ST6GAL1: variants seen among roughly 807,000 people sequenced by gnomAD.
ST6GAL1 encodes ST6 beta-galactoside alpha-2,6-sialyltransferase 1.
In ST6GAL1, 20 loss-of-function variants were observed where a neutral mutation model predicts 38.0. The observed-to-expected ratio is 0.53, with a 90% CI of 0.37 to 0.77. ST6GAL1 has a LOEUF of 0.77. Ranked by LOEUF, ST6GAL1 falls within the 30% of genes least tolerant of loss-of-function variation. ST6GAL1 has a pLI of 0.00. For synonymous variants in ST6GAL1, 196 were observed against 188.2 expected (o/e 1.04, Z -0.34); for missense variants, 432 against 496.4 (o/e 0.87, Z 1.23).
At chr3:186,947,062 C>G (rs531412526) in intron 1 of ST6GAL1, among the ~76,000 whole-genome samples, 24 of 152,156 alleles carry the variant, frequency 1.6e-4, no homozygotes, top group African/African-American at 5.8e-4. Context: ...GATGAAGGGG[C>G]GTTGGCATGT....
At chr3:187,000,928 G>A (rs1716596447) in intron 2 of ST6GAL1, among the ~76,000 whole-genome samples, 1 of 152,190 alleles carries the variant, frequency 6.6e-6, no homozygotes, top group Non-Finnish European at 1.5e-5. Flanking sequence ...GAGTAGAAAT[G>A]GGCCATGCAT....
intron 2 of ST6GAL1, among the ~76,000 whole-genome samples, chr3:187,005,742 A>G (rs1188774339): frequency 6.6e-6 from 1 of 152,214 alleles, no homozygotes; most frequent in South Asian, 2.1e-4. Flanking sequence ...ATGTAAAATA[A>G]TACGTATTTT....
intron 2 of ST6GAL1, among the ~76,000 whole-genome samples, chr3:186,972,242 TCTTA>T (rs1161068913): frequency 2.0e-5 from 3 of 151,342 alleles, no homozygotes; most frequent in Non-Finnish European, 4.4e-5. Flanking sequence ...CCTGCTACTT[TCTTA>T]CTTTCTTTTT....
intron 4 of ST6GAL1, among the ~76,000 whole-genome samples, chr3:187,045,185 T>C (rs912729459): frequency 2.6e-5 from 4 of 152,234 alleles, no homozygotes; most frequent in Admixed American, 2.6e-4. Context: ...ATAACATTGC[T>C]GACAAGGTTT....
intron 2 of ST6GAL1, among the ~76,000 whole-genome samples, chr3:186,990,026 A>G (rs1312495186): frequency 6.6e-6 from 1 of 152,182 alleles, no homozygotes; most frequent in Non-Finnish European, 1.5e-5. Flanking sequence ...TACCAGCTCC[A>G]TGACCTTGGG....
At chr3:187,072,399 G>C (rs142535095) in intron 5 of ST6GAL1, 1 of 223,486 alleles carries the variant, frequency 4.5e-6, no homozygotes. Flanking sequence ...GTTGGACTTC[G>C]TGAGAGAGCC....
chr3:187,052,198 T>C (rs1579362239), intron 5 of ST6GAL1, among the ~76,000 whole-genome samples: 1 of 152,178 alleles, frequency 6.6e-6, no homozygotes, highest in Non-Finnish European at 1.5e-5. Context: ...CACTTCCCTA[T>C]ATCTGTCTCT....
chr3:187,074,731 G>A (rs1719504170), intron 7 of ST6GAL1, among the ~76,000 whole-genome samples: 3 of 152,052 alleles, frequency 2.0e-5, no homozygotes, highest in Admixed American at 1.3e-4. Flanking sequence ...TATGAACAGG[G>A]GAGGGAGGTG....
chr3:186,933,848 A>C (rs1263115032), intron 1 of ST6GAL1, among the ~76,000 whole-genome samples: 2 of 152,208 alleles, frequency 1.3e-5, no homozygotes, highest in Non-Finnish European at 2.9e-5. Context: ...CCAATTCCTT[A>C]TGGATTTAAA....
chr3:186,934,891 C>T (rs988522263), intron 1 of ST6GAL1, among the ~76,000 whole-genome samples: 9 of 151,930 alleles, frequency 5.9e-5, no homozygotes, highest in South Asian at 2.1e-4. Flanking sequence ...CTCAGCCTCC[C>T]GAGTAGCTGG....
Position 187,077,015 on chromosome 3 carries a change from C to T in ST6GAL1, c.*1212C>T, listed in dbSNP as rs1719587433. On this transcript the variant is annotated 3_prime_UTR_variant, in exon 8 of 8. Transcript: ENST00000169298. The stretch of plus-strand genomic sequence containing the variant: ...AAGCATTTTTTGCTTTAAAAGCATC[C>T]TGACCCCAATTTCTTTGAGCTCACG... The T allele has an allele frequency of 2.5e-6, 1 of 398,304 alleles. No individual in the cohort carries two copies. Among genetic ancestry groups the T allele is most frequent in the African/African-American group, 2.1e-5 (1 of 48,294 alleles). 24.7% of individuals were successfully genotyped at this position (398,304 alleles called of 1,614,324 possible).
At chr3:186,980,825 ATACTC>A (rs1050632400) in intron 2 of ST6GAL1, among the ~76,000 whole-genome samples, 6 of 151,836 alleles carry the variant, frequency 4.0e-5, no homozygotes, top group African/African-American at 1.5e-4. Flanking sequence ...CAATGAATCT[ATACTC>A]TAATACTCTA....
In ST6GAL1 at chr3:187,042,978, C is replaced by T. The variant is rs1232712342; in HGVS notation, c.275C>T (p.Ser92Phe). ...RGLAKAKPEASFQVWNKDSSS... is the reference protein window; with the variant it reads ...RGLAKAKPEAFFQVWNKDSSS... The stretch of plus-strand genomic sequence containing the variant: ...CTAGCCAAGGCCAAACCAGAGGCCT[C>T]CTTCCAGGTGTGGAACAAGGACAGC... Residue 92 changes from serine to phenylalanine, a missense_variant, in exon 4 of 8, where the codon TCC becomes TTC. Ser to Phe is a radical substitution (Grantham distance 155, BLOSUM62 -2). Transcript: ENST00000169298. 1.2e-6 allele frequency: 2 copies of T among 1,614,154 alleles called. No individual in the cohort carries two copies.
At chr3:187,006,394 A>G (rs1716788707) in intron 2 of ST6GAL1, 1 of 152,234 alleles carries the variant, frequency 6.6e-6, no homozygotes, top group Non-Finnish European at 1.5e-5. Flanking sequence ...TTATCAAAAC[A>G]AAAATTATGG....
At chr3:187,049,901 A>T in intron 4 of ST6GAL1, among the ~76,000 whole-genome samples, 1 of 152,228 alleles carries the variant, frequency 6.6e-6, no homozygotes. Context: ...TTGTGTAAAG[A>T]TATACCTCCT....
At chr3:186,984,977 C>T (rs540242387) in intron 2 of ST6GAL1, among the ~76,000 whole-genome samples, 6 of 151,898 alleles carry the variant, frequency 4.0e-5, no homozygotes, top group Admixed American at 2.6e-4. Context: ...GGCACGTTCT[C>T]GGCTCACTGC....
chr3:186,944,808 C>A (rs531649242), intron 1 of ST6GAL1, among the ~76,000 whole-genome samples: 1 of 152,196 alleles, frequency 6.6e-6, no homozygotes, highest in African/African-American at 2.4e-5. Context: ...AGGCACTCGT[C>A]GCTTTTGCTC....
intron 2 of ST6GAL1, among the ~76,000 whole-genome samples, chr3:186,979,713 C>T (rs944138645): frequency 5.3e-5 from 8 of 152,118 alleles, no homozygotes; most frequent in East Asian, 1.9e-4. Context: ...TCTATGCCAC[C>T]GGGCCCCCTG....
At chr3:187,000,400 A>C (rs1344696562) in intron 2 of ST6GAL1, among the ~76,000 whole-genome samples, 1 of 151,392 alleles carries the variant, frequency 6.6e-6, no homozygotes, top group African/African-American at 2.4e-5. Context: ...AAATACAAAA[A>C]AAAAAAAAAA....
Sources: gnomAD v4.1 joint callset for allele counts (sites outside exome capture counted in the v4.1 genomes callset) on GRCh38, gnomAD v4.1.1 for gene constraint, MANE v1.5 for transcripts, NCBI Gene and HGNC (gene_info 2026-07-23, HGNC 2026-07-21) for gene names.